The following CDYL2 variants were observed in gnomAD, a reference collection of about 807,000 sequenced individuals.
CDYL2 encodes chromodomain Y like 2, also known as chromodomain Y-like protein 2.
A neutral mutation model predicts 49.4 loss-of-function variants in CDYL2; 23 were observed. That is an observed-to-expected ratio of 0.47 (90% CI 0.34 to 0.66). The LOEUF (loss-of-function observed/expected upper bound fraction) is 0.66, where lower values mean the gene tolerates loss of function less well. Among genes scored for constraint, CDYL2 ranks in the 30% least tolerant of loss-of-function variants. The pLI is 0.01. For synonymous variants in CDYL2, 360 were observed against 268.8 expected, an observed-to-expected ratio of 1.34 and a Z score of -3.32; for missense variants, 678 against 656.4, an observed-to-expected ratio of 1.03 and a Z score of -0.36.
Position 80,604,373 on chromosome 16 carries a change from G to C in CDYL2, c.*15C>G. On this transcript the variant is annotated 3_prime_UTR_variant, in exon 7 of 7. Coordinates refer to ENST00000570137, the MANE Select transcript of CDYL2 (RefSeq NM_152342.4). Reference sequence around the variant, plus strand: ...GGGCAGAGCTGGAAGTTGGGGGCCCGTGAGCTGGGGCCCCTCAGACTTCAT... The same window carrying C: ...GGGCAGAGCTGGAAGTTGGGGGCCCCTGAGCTGGGGCCCCTCAGACTTCAT... 1 of 1,613,626 alleles carries C rather than the reference G, an allele frequency of 6.2e-7. No homozygotes were observed. Among genetic ancestry groups the C allele is most frequent in the Non-Finnish European group, 8.5e-7 (1 of 1,179,818 alleles).
chr16:80,636,012 T>C (rs1197647802), intron 2 of CDYL2, among the ~76,000 whole-genome samples: 2 of 152,348 alleles, frequency 1.3e-5, no homozygotes, highest in East Asian at 1.9e-4. Context: ...GCTAGCCATA[T>C]GCAGAAAACT....
chr16:80,610,235 G>A (rs866791709), intron 5 of CDYL2, among the ~76,000 whole-genome samples: 1 of 152,158 alleles, frequency 6.6e-6, no homozygotes, highest in Middle Eastern at 3.2e-3. Flanking sequence ...AACAATGGGG[G>A]ATGGAACTGC....
Position 80,603,823 on chromosome 16 carries a change from T to G in CDYL2, c.*565A>C, listed in dbSNP as rs1334739502. 6.5e-6 allele frequency: 1 copy of G among 152,888 alleles called. No homozygotes were observed. Among genetic ancestry groups the G allele is most frequent in the Non-Finnish European group, 1.5e-5 (1 of 68,220 alleles). 9.5% of individuals were successfully genotyped at this position (152,888 alleles called of 1,614,324 possible). A position where few individuals can be genotyped will look rare whatever the true frequency, so the allele number is the denominator to read the frequency against. Reference sequence around the variant, plus strand: ...AAAACATTTCTAAATGTACAATATCTGGGTTTGCAAATCACTCAATTGGGT... The same window carrying G: ...AAAACATTTCTAAATGTACAATATCGGGGTTTGCAAATCACTCAATTGGGT... On this transcript the variant is annotated 3_prime_UTR_variant, in exon 7 of 7. Transcript: ENST00000570137.
chr16:80,730,589 C>A (rs1202782635), intron 1 of CDYL2, among the ~76,000 whole-genome samples: 2 of 151,956 alleles, frequency 1.3e-5, no homozygotes, highest in Admixed American at 6.6e-5. Context: ...GGAATCCTCC[C>A]TAACTCATTT....
rs11859906 is a variant in CDYL2, at chr16:80,799,697, T to A, written c.24+4453A>T. Among the ~76,000 whole-genome samples, 755 of 152,290 alleles carry A rather than the reference T, an allele frequency of 5.0e-3. 3 individuals carry two copies. The highest frequency in any genetic ancestry group is 9.8e-3 in the Admixed American group (150 of 15,292). ...AGCTTAAGCCCCTGAAGAAATTATC[T>A]CATGCACTAAGGAATGACCTGACAT... On this transcript the variant is annotated intron_variant, in intron 1 of 6. Transcript: ENST00000570137.
intron 1 of CDYL2, among the ~76,000 whole-genome samples, chr16:80,731,912 T>TAA (rs36094462): frequency 0.024 from 3,513 of 144,208 alleles, 58 homozygotes; most frequent in South Asian, 0.072. Flanking sequence ...GCAGCACAGT[T>TAA]AAAAAAAAAA....
chr16:80,684,333 C>A (rs192826589), intron 2 of CDYL2, among the ~76,000 whole-genome samples: 2 of 152,278 alleles, frequency 1.3e-5, no homozygotes, highest in African/African-American at 4.8e-5. Context: ...GAGGCTTAGC[C>A]TCCCCACATG....
In CDYL2 at chr16:80,673,298, C is replaced by T. The variant is rs149137023; in HGVS notation, c.616+11240G>A. ...TCATGCCATTGCACTCCAGCCTGGG[C>T]GACAGAGCAAGACTCTGTCTCAAAA... On this transcript the variant is annotated intron_variant, in intron 2 of 6. Transcript: ENST00000570137. 4.4e-3 allele frequency among the ~76,000 whole-genome samples: 667 copies of T among 151,752 alleles called. 5 individuals carry two copies. The highest frequency in any genetic ancestry group is 0.016 in the African/African-American group (644 of 41,336).
At chr16:80,660,749 G>C (rs1909007537) in intron 2 of CDYL2, among the ~76,000 whole-genome samples, 1 of 152,156 alleles carries the variant, frequency 6.6e-6, no homozygotes, top group Non-Finnish European at 1.5e-5. Flanking sequence ...GACAGAAAGA[G>C]GGATCTCAAC....
intron 1 of CDYL2, among the ~76,000 whole-genome samples, chr16:80,776,309 T>C (rs1370215665): frequency 6.6e-6 from 1 of 152,072 alleles, no homozygotes; most frequent in Admixed American, 6.6e-5. Context: ...AATAGATGTT[T>C]TGGAAATAAT....
chr16:80,736,998 C>A (rs866587506), intron 1 of CDYL2, among the ~76,000 whole-genome samples: 1 of 152,166 alleles, frequency 6.6e-6, no homozygotes, highest in Admixed American at 6.5e-5. Flanking sequence ...GGCTGAGACT[C>A]TGCCTTTCTT....
chr16:80,760,132 G>A (rs1906476259), intron 1 of CDYL2, among the ~76,000 whole-genome samples: 1 of 152,178 alleles, frequency 6.6e-6, no homozygotes, highest in South Asian at 2.1e-4. Flanking sequence ...CTAGCAGGCT[G>A]CTTTCATGCA....
chr16:80,798,629 T>A (rs891879363), intron 1 of CDYL2, among the ~76,000 whole-genome samples: 1 of 152,188 alleles, frequency 6.6e-6, no homozygotes, highest in Admixed American at 6.5e-5. Flanking sequence ...GTTTATGTTA[T>A]CAGTAAGACT....
intron 1 of CDYL2, among the ~76,000 whole-genome samples, chr16:80,726,479 T>A (rs1267448165): frequency 1.3e-5 from 2 of 152,236 alleles, no homozygotes; most frequent in South Asian, 2.1e-4. Flanking sequence ...GAGCAAGTTT[T>A]AAACAATTAA....
At chr16:80,714,467 T>C (rs1904728648) in intron 1 of CDYL2, among the ~76,000 whole-genome samples, 1 of 152,156 alleles carries the variant, frequency 6.6e-6, no homozygotes, top group Non-Finnish European at 1.5e-5. Flanking sequence ...TTACTATATG[T>C]CAACTAAAAA....
At chr16:80,711,116 G>A (rs371725804) in intron 1 of CDYL2, among the ~76,000 whole-genome samples, 30 of 152,300 alleles carry the variant, frequency 2.0e-4, no homozygotes, top group African/African-American at 7.0e-4. Flanking sequence ...TGTGCTACGC[G>A]ACTGGCAAAC....
chr16:80,745,219 G>A (rs1016503665), intron 1 of CDYL2, among the ~76,000 whole-genome samples: 10 of 152,124 alleles, frequency 6.6e-5, no homozygotes, highest in African/African-American at 2.4e-4. Flanking sequence ...GGGGCCTGAG[G>A]GTTTTTAACT....
chr16:80,783,791 A>G (rs560633974), intron 1 of CDYL2, among the ~76,000 whole-genome samples: 1 of 152,346 alleles, frequency 6.6e-6, no homozygotes, highest in South Asian at 2.1e-4. Flanking sequence ...AGTTTTAAAA[A>G]GCCAAATAGA....
intron 2 of CDYL2, among the ~76,000 whole-genome samples, chr16:80,682,330 T>A (rs1909999587): frequency 6.6e-6 from 1 of 152,192 alleles, no homozygotes; most frequent in South Asian, 2.1e-4. Context: ...AGGTCTAGAA[T>A]AGCATTTTGG....
Sources: gnomAD v4.1 joint callset for allele counts (sites outside exome capture counted in the v4.1 genomes callset) on GRCh38, gnomAD v4.1.1 for gene constraint, MANE v1.5 for transcripts, NCBI Gene and HGNC (gene_info 2026-07-23, HGNC 2026-07-21) for gene names.